PARP4: variants seen among roughly 807,000 people sequenced by gnomAD.
PARP4 encodes protein mono-ADP-ribosyltransferase PARP4.
In PARP4, 120 loss-of-function variants were observed where a neutral mutation model predicts 187.7. The observed-to-expected ratio is 0.64, with a 90% CI of 0.55 to 0.74. The LOEUF (loss-of-function observed/expected upper bound fraction) is 0.74. PARP4 is among the 30% of genes least tolerant of loss of function. PARP4 has a pLI of 0.00. For synonymous variants in PARP4, 654 were observed against 740.9 expected (o/e 0.88, Z 1.90); for missense variants, 1,836 against 2,070.5 (o/e 0.89, Z 2.20).
chr13:24,430,590 G>A (rs1870286639), intron 32 of PARP4, among the ~76,000 whole-genome samples: 1 of 151,826 alleles, frequency 6.6e-6, no homozygotes, highest in African/African-American at 2.4e-5. Flanking sequence ...GGAGGTAGAA[G>A]TTGCAGTCAG....
intron 31 of PARP4, among the ~76,000 whole-genome samples, chr13:24,433,961 G>GTAT (rs1870472850): frequency 6.6e-6 from 1 of 152,144 alleles, no homozygotes; most frequent in Non-Finnish European, 1.5e-5. Flanking sequence ...AATAATATCT[G>GTAT]TATTCCCATG....
chr13:24,489,564 G>A (rs141587751), intron 10 of PARP4, among the ~76,000 whole-genome samples: 1,645 of 152,272 alleles, frequency 0.011, 37 homozygotes, highest in African/African-American at 0.036. Context: ...AGCCGAGATC[G>A]CGTCACTGCA....
intron 25 of PARP4, among the ~76,000 whole-genome samples, chr13:24,449,236 C>A (rs568666428): frequency 1.3e-4 from 19 of 151,854 alleles, no homozygotes; most frequent in Admixed American, 3.3e-4. Flanking sequence ...AAAATACAAA[C>A]AATTAGCCAG....
intron 1 of PARP4, among the ~76,000 whole-genome samples, chr13:24,508,155 C>T (rs1253476975): frequency 3.3e-5 from 5 of 151,662 alleles, no homozygotes; most frequent in South Asian, 2.1e-4. Context: ...CTATGCTAGT[C>T]GTAATCTCTG....
At chr13:24,469,687 G>A (rs919987333) in intron 16 of PARP4, among the ~76,000 whole-genome samples, 1 of 152,188 alleles carries the variant, frequency 6.6e-6, no homozygotes, top group Non-Finnish European at 1.5e-5. Context: ...ATGAAGACTG[G>A]ACAGATGGGG....
chr13:24,486,057 A>AT (rs1260787424), intron 11 of PARP4, 111 bp downstream of exon 11: 2 of 900,582 alleles, frequency 2.2e-6, no homozygotes, highest in Non-Finnish European at 3.4e-6. Context: ...AAGCTAGCTG[A>AT]TTTTAACTGA....
At chr13:24,466,838 G>T (rs1366125898) in intron 17 of PARP4, among the ~76,000 whole-genome samples, 1 of 148,970 alleles carries the variant, frequency 6.7e-6, no homozygotes, top group African/African-American at 2.5e-5. Context: ...GCCAATAATG[G>T]AGATACAATG....
At chr13:24,448,021 A>G (rs1871298461) in intron 25 of PARP4, among the ~76,000 whole-genome samples, 1 of 152,148 alleles carries the variant, frequency 6.6e-6, no homozygotes, top group Non-Finnish European at 1.5e-5. Context: ...GCCTAGGCCC[A>G]TGGCGAAACA....
At chr13:24,459,538 C>G in intron 18 of PARP4, 1 of 293,916 alleles carries the variant, frequency 3.4e-6, no homozygotes, top group East Asian at 4.8e-5. Context: ...TGTATACACA[C>G]ACACACACGC....
At chr13:24,482,208 G>A (rs1186576738) in intron 12 of PARP4, among the ~76,000 whole-genome samples, 1 of 152,232 alleles carries the variant, frequency 6.6e-6, no homozygotes, top group East Asian at 1.9e-4. Flanking sequence ...GAAAGAATGA[G>A]GAGTTGCTTC....
In PARP4 at chr13:24,493,739, ATAATAAAATAG is replaced by A. The variant is rs1566018002; in HGVS notation, c.742-17_742-7del. Reference sequence around the variant, plus strand: ...ATGACTTCCTCCAAAAGCAACTACAATAATAAAATAGAAATGCCACCAAAAAGTCATCATGT... The same window carrying A: ...ATGACTTCCTCCAAAAGCAACTACAAAAATGCCACCAAAAAGTCATCATGT... On this transcript the variant is annotated splice_region_variant and splice_polypyrimidine_tract_variant and intron_variant, in intron 7 of 33. Coordinates refer to ENST00000381989, the MANE Select transcript of PARP4 (RefSeq NM_006437.4). 2 of 1,612,592 alleles carry A rather than the reference ATAATAAAATAG, an allele frequency of 1.2e-6. No homozygotes were observed. The highest frequency in any genetic ancestry group is 1.7e-6 in the Non-Finnish European group (2 of 1,179,678).
intron 17 of PARP4, among the ~76,000 whole-genome samples, chr13:24,464,760 T>TCAAAAATTGCAGCAAAAG (rs1482325665): frequency 1.3e-5 from 2 of 151,756 alleles, no homozygotes; most frequent in Non-Finnish European, 1.5e-5. Flanking sequence ...GAGGAAAACA[T>TCAAAAATTGCAGCAAAAG]CAAAAATTGC....
intron 27 of PARP4, among the ~76,000 whole-genome samples, chr13:24,445,577 TAGAC>T (rs573828828): frequency 3.3e-5 from 5 of 152,330 alleles, no homozygotes; most frequent in South Asian, 2.1e-4. Flanking sequence ...AACTGTATGT[TAGAC>T]AGAAGCTCCT....
intron 8 of PARP4, 57 bp from the exon 9 acceptor site, chr13:24,492,651 G>A (rs1868724639): frequency 4.4e-6 from 6 of 1,375,548 alleles, no homozygotes; most frequent in Non-Finnish European, 6.1e-6. Context: ...AAATTAAGGA[G>A]CATGCACAAA....
At chr13:24,429,801 A>T (rs1870244206) in intron 32 of PARP4, among the ~76,000 whole-genome samples, 1 of 152,208 alleles carries the variant, frequency 6.6e-6, no homozygotes, top group Non-Finnish European at 1.5e-5. Context: ...TGCAGATTTC[A>T]GAGTTCCCTG....
chr13:24,461,804 C>T (rs983219594), intron 17 of PARP4, among the ~76,000 whole-genome samples: 3 of 152,220 alleles, frequency 2.0e-5, no homozygotes, highest in East Asian at 1.9e-4. Context: ...TCCAGAGCTG[C>T]GGGGAAGGGG....
chr13:24,449,625 A>C (rs1593603609), intron 25 of PARP4, 93 bp downstream of exon 25: 1 of 741,774 alleles, frequency 1.3e-6, no homozygotes, highest in Non-Finnish European at 2.3e-6. Flanking sequence ...CTCCCCTCTC[A>C]TTCAAGGAAA....
chr13:24,434,871 G>T lies in PARP4; in HGVS notation c.4270C>A (p.Pro1424Thr). 6.2e-7 allele frequency: 1 copy of T among 1,614,128 alleles called. No homozygotes were observed. Among genetic ancestry groups the T allele is most frequent in the South Asian group, 1.1e-5 (1 of 91,076 alleles). The part of the protein sequence containing the change: ...LQHPGGFTTR[P>T]SAGTFPELDS... ...AGCTCAGGGAAGGTGCCAGCAGAAG[G>T]CCTGGTAGTAAAGCCTCCAGGATGT... Residue 1424 changes from proline to threonine, a missense_variant, in exon 31 of 34, where the codon CCT becomes ACT. Transcript: ENST00000381989.
intron 10 of PARP4, among the ~76,000 whole-genome samples, chr13:24,488,741 C>T (rs1447486821): frequency 6.6e-6 from 1 of 152,156 alleles, no homozygotes; most frequent in African/African-American, 2.4e-5. Context: ...ACAGAACATT[C>T]AAAATGTCAT....
Sources: gnomAD v4.1 joint callset for allele counts (sites outside exome capture counted in the v4.1 genomes callset) on GRCh38, gnomAD v4.1.1 for gene constraint, MANE v1.5 for transcripts, NCBI Gene and HGNC (gene_info 2026-07-23, HGNC 2026-07-21) for gene names.